Variants in KHDRBS2 observed in about 807,000 individuals in gnomAD.
KHDRBS2 encodes the protein KH RNA binding domain containing, signal transduction associated 2, also known as KH domain-containing, RNA-binding, signal transduction-associated protein 2.
A neutral mutation model predicts 44.3 loss-of-function variants in KHDRBS2; 26 were observed. That is an observed-to-expected ratio of 0.59 (90% CI 0.43 to 0.81). The LOEUF (loss-of-function observed/expected upper bound fraction) is 0.81, where lower values mean the gene tolerates loss of function less well. KHDRBS2 is among the 40% of genes least tolerant of loss of function. KHDRBS2 has a pLI of 0.00. For synonymous variants in KHDRBS2, 194 were observed against 151.1 expected (o/e 1.28, Z -2.08); for missense variants, 476 against 433.1 (o/e 1.10, Z -0.88).
chr6:61,654,015 C>T, the KHDRBS2 span, among the ~76,000 whole-genome samples: 1 of 151,864 alleles, frequency 6.6e-6, no homozygotes, highest in Non-Finnish European at 1.5e-5. Context: ...TTTTAAGATA[C>T]TACGTTGCTT....
intron 1 of KHDRBS2, among the ~76,000 whole-genome samples, chr6:62,194,046 T>C (rs1430942359): frequency 6.6e-6 from 1 of 152,162 alleles, no homozygotes; most frequent in Non-Finnish European, 1.5e-5. Context: ...TTCCTTGATA[T>C]CATTTGCACC....
intron 1 of KHDRBS2, among the ~76,000 whole-genome samples, chr6:62,204,702 A>AT (rs1274294493): frequency 6.6e-6 from 1 of 152,020 alleles, no homozygotes; most frequent in Non-Finnish European, 1.5e-5. Flanking sequence ...TTCCAGACTA[A>AT]TTTTTTGAAG....
At chr6:61,923,841 G>T (rs1358752932) in intron 4 of KHDRBS2, among the ~76,000 whole-genome samples, 4 of 151,960 alleles carry the variant, frequency 2.6e-5, no homozygotes, top group Non-Finnish European at 5.9e-5. Context: ...AAGGATAAAA[G>T]GCATTCAAAT....
At chr6:61,586,200 G>C in the KHDRBS2 span, among the ~76,000 whole-genome samples, 1 of 152,150 alleles carries the variant, frequency 6.6e-6, no homozygotes, top group Non-Finnish European at 1.5e-5. Context: ...CAATAAAAAA[G>C]ATCCTGCTGA....
chr6:61,904,933 G>T (rs1435166321), intron 4 of KHDRBS2, among the ~76,000 whole-genome samples: 1 of 152,128 alleles, frequency 6.6e-6, no homozygotes, highest in African/African-American at 2.4e-5. Context: ...AGATCACAAG[G>T]CTGAGAGCTT....
intron 6 of KHDRBS2, among the ~76,000 whole-genome samples, chr6:61,758,435 C>A (rs1582646087): frequency 3.3e-5 from 5 of 151,798 alleles, no homozygotes; most frequent in Admixed American, 2.0e-4. Flanking sequence ...CAAATAGGTT[C>A]TTTGTCAATT....
chr6:61,568,123 TG>T, the KHDRBS2 span, among the ~76,000 whole-genome samples: 1 of 152,188 alleles, frequency 6.6e-6, no homozygotes, highest in East Asian at 1.9e-4. Context: ...ATATTTTTGT[TG>T]ATTTTATCAA....
In KHDRBS2 at chr6:62,266,669, C is replaced by T. The variant is rs558312724; in HGVS notation, c.91+19189G>A. On this transcript the variant is annotated intron_variant, in intron 1 of 8. Transcript: ENST00000281156. Reference sequence around the variant, plus strand: ...CTGGGGGAATTTGTAAGACACTGTGCACCTCTTACTAAATAAGTTTGGGCC... The same window carrying T: ...CTGGGGGAATTTGTAAGACACTGTGTACCTCTTACTAAATAAGTTTGGGCC... 4.6e-4 allele frequency among the ~76,000 whole-genome samples: 70 copies of T among 152,036 alleles called. 1 individual carries two copies. Among genetic ancestry groups the T allele is most frequent in the African/African-American group, 1.7e-3 (70 of 41,502 alleles).
At chr6:61,761,376 C>G (rs781487355) in intron 6 of KHDRBS2, among the ~76,000 whole-genome samples, 10 of 152,108 alleles carry the variant, frequency 6.6e-5, no homozygotes, top group Non-Finnish European at 1.2e-4. Context: ...GATTTTGTAC[C>G]AGCAACACAC....
Position 62,157,825 on chromosome 6 carries a change from G to A in KHDRBS2, c.219+19360C>T, listed in dbSNP as rs572879826. ...TAAGATGAATATGGCTAAAAATTCAGTTTGTAAATAAGCAATGCAGATATC... is the reference window on the plus strand; with the variant it reads ...TAAGATGAATATGGCTAAAAATTCAATTTGTAAATAAGCAATGCAGATATC... On this transcript the variant is annotated intron_variant, in intron 2 of 8. Transcript: ENST00000281156. 7.9e-5 allele frequency among the ~76,000 whole-genome samples: 12 copies of A among 152,192 alleles called. No homozygotes were observed. In the South Asian group the frequency reaches 2.5e-3, roughly 32 times the overall value.
intron 1 of KHDRBS2, among the ~76,000 whole-genome samples, chr6:62,196,216 A>G (rs1452458046): frequency 6.6e-6 from 1 of 152,198 alleles, no homozygotes; most frequent in Non-Finnish European, 1.5e-5. Context: ...GGAATCTCCT[A>G]TAGAATAAGT....
chr6:62,063,808 G>T (rs1792750081), intron 2 of KHDRBS2, among the ~76,000 whole-genome samples: 1 of 130,384 alleles, frequency 7.7e-6, no homozygotes, highest in Admixed American at 8.1e-5. Flanking sequence ...GGAAATAAAG[G>T]GTATTCAATT....
intron 6 of KHDRBS2, among the ~76,000 whole-genome samples, chr6:61,746,859 A>G (rs892782943): frequency 6.6e-6 from 1 of 152,140 alleles, no homozygotes; most frequent in African/African-American, 2.4e-5. Flanking sequence ...AATGGCAACA[A>G]AATCCAAAAC....
At chr6:62,253,667 T>C (rs1376447763) in intron 1 of KHDRBS2, among the ~76,000 whole-genome samples, 1 of 152,040 alleles carries the variant, frequency 6.6e-6, no homozygotes, top group African/African-American at 2.4e-5. Context: ...ATTCCTATTA[T>C]ATTTGCAATA....
chr6:61,667,882 A>C, the KHDRBS2 span, among the ~76,000 whole-genome samples: 1 of 151,230 alleles, frequency 6.6e-6, no homozygotes, highest in Non-Finnish European at 1.5e-5. Context: ...AATCATTTGA[A>C]TATTACTTAA....
chr6:61,715,855 T>C (rs1771321972), intron 7 of KHDRBS2, among the ~76,000 whole-genome samples: 1 of 151,860 alleles, frequency 6.6e-6, no homozygotes, highest in Admixed American at 6.6e-5. Context: ...ATCAGGACCA[T>C]AGCTATCTAT....
rs377115950 is a variant in KHDRBS2, at chr6:61,838,582, C to T, written c.810+56053G>A. Among the ~76,000 whole-genome samples the T allele has an allele frequency of 1.8e-3, 268 of 151,956 alleles. 1 individual carries two copies. Among genetic ancestry groups the T allele is most frequent in the Non-Finnish European group, 1.1e-3 (78 of 67,904 alleles). On this transcript the variant is annotated intron_variant, in intron 6 of 8. Transcript: ENST00000281156. ...TTGCCTTCTTCAACCTATATATAGT[C>T]TTGAATTCAGGAATGATATAAAAGA... is the stretch of plus-strand genomic sequence containing the variant.
At chr6:62,259,291 T>C (rs1294020349) in intron 1 of KHDRBS2, among the ~76,000 whole-genome samples, 1 of 152,034 alleles carries the variant, frequency 6.6e-6, no homozygotes, top group Admixed American at 6.6e-5. Context: ...TCATATTGCA[T>C]ATATAATTTT....
intron 3 of KHDRBS2, among the ~76,000 whole-genome samples, chr6:62,019,064 G>T (rs1440773768): frequency 6.6e-6 from 1 of 151,910 alleles, no homozygotes; most frequent in African/African-American, 2.4e-5. Flanking sequence ...CCATTATAAG[G>T]TGAATCACAT....
Sources: allele counts gnomAD v4.1 joint callset (sites outside exome capture counted in the v4.1 genomes callset), GRCh38; gene constraint gnomAD v4.1.1; transcripts MANE v1.5; gene names NCBI Gene and HGNC (gene_info 2026-07-23, HGNC 2026-07-21).